Variants in PLA2G4C observed in about 807,000 individuals in gnomAD.
The protein encoded by PLA2G4C is phospholipase A2 group IVC.
A neutral mutation model predicts 73.8 loss-of-function variants in PLA2G4C; 64 were observed. The ratio of observed to expected loss-of-function variants is 0.87; its 90% CI spans 0.71 to 1.07. The LOEUF is 1.07. Ranked by LOEUF, PLA2G4C falls within the 50% of genes least tolerant of loss-of-function variation. The pLI is 0.00. For synonymous variants in PLA2G4C, 254 were observed against 252.1 expected (o/e 1.01, Z -0.07); for missense variants, 622 against 665.4 (o/e 0.93, Z 0.72).
intron 7 of PLA2G4C, among the ~76,000 whole-genome samples, chr19:48,094,557 C>T (rs184106058): frequency 1.3e-5 from 2 of 152,280 alleles, no homozygotes; most frequent in East Asian, 3.9e-4. Flanking sequence ...GAGGTAAGTA[C>T]TTTCCCTATG....
intron 10 of PLA2G4C, 45 bp downstream of exon 10, chr19:48,085,014 T>G (rs1014048784): frequency 7.1e-7 from 1 of 1,413,562 alleles, no homozygotes; most frequent in Non-Finnish European, 1.0e-6. Flanking sequence ...TCTCCTTGCA[T>G]AAAATATCTC....
intron 1 of PLA2G4C, 105 bp from the exon 2 acceptor site, chr19:48,106,666 A>C (rs952318534): frequency 1.8e-5 from 15 of 840,768 alleles, no homozygotes; most frequent in Non-Finnish European, 2.4e-5. Flanking sequence ...CTCCTTGTCC[A>C]CTGCCCAGAC....
At chr19:48,086,703 C>A (rs2031000252) in intron 9 of PLA2G4C, among the ~76,000 whole-genome samples, 1 of 152,136 alleles carries the variant, frequency 6.6e-6, no homozygotes, top group Non-Finnish European at 1.5e-5. Flanking sequence ...CCAACACAGT[C>A]CATGACAGCA....
Position 48,095,719 on chromosome 19 carries a change from G to C in PLA2G4C, c.569-115C>G. 6 of 1,087,074 alleles carry C rather than the reference G, an allele frequency of 5.5e-6. No homozygotes were observed. The South Asian group carries it at 8.2e-5, about 15-fold the overall frequency. 67.3% of individuals were successfully genotyped at this position (1,087,074 alleles called of 1,614,324 possible). ...TTACAACCATGACAGGAGAATGTTA[G>C]AGATGGACTGTGTGGTATCAGAAAC... is the stretch of plus-strand genomic sequence containing the variant. On this transcript the variant is annotated intron_variant, in intron 6 of 16. Transcript: ENST00000599921.
Position 48,082,043 on chromosome 19 carries a change from T to C in PLA2G4C, c.844+3016A>G, listed in dbSNP as rs1186768425. ...TTGCAGTGAGACGAGATCTTGCTAC[T>C]GCACTCCAGCCTGGGCAACAGAGTG... On this transcript the variant is annotated intron_variant, in intron 10 of 16. Coordinates refer to ENST00000599921, the MANE Select transcript of PLA2G4C (RefSeq NM_003706.3). Among the ~76,000 whole-genome samples, 19 of 151,592 alleles carry C rather than the reference T, an allele frequency of 1.3e-4. 1 individual carries two copies. Among genetic ancestry groups the C allele is most frequent in the Admixed American group, 1.2e-3 (19 of 15,232 alleles).
At position 48,095,451 on chromosome 19, in the gene PLA2G4C, C is replaced by A; in HGVS notation, c.709+13G>T. On this transcript the variant is annotated intron_variant, in intron 7 of 16. Coordinates refer to ENST00000599921, the MANE Select transcript of PLA2G4C (RefSeq NM_003706.3). ...CCCACCCCCTTTTAATCCCCTCTGACCCCAGCGCTGACCTCTCAGGAAAGT... is the reference window on the plus strand; with the variant it reads ...CCCACCCCCTTTTAATCCCCTCTGAACCCAGCGCTGACCTCTCAGGAAAGT... 1 of 1,613,636 alleles carries A rather than the reference C, an allele frequency of 6.2e-7. No individual in the cohort carries two copies. The highest frequency in any genetic ancestry group is 8.5e-7 in the Non-Finnish European group (1 of 1,179,698).
chr19:48,098,393 A>T, intron 5 of PLA2G4C, 134 bp from the exon 6 acceptor site: 1 of 732,148 alleles, frequency 1.4e-6, no homozygotes, highest in Non-Finnish European at 2.1e-6. Context: ...TGGTACAATA[A>T]TGGGCCACTA....
At chr19:48,104,804 C>T (rs1041411769) in intron 3 of PLA2G4C, 80 bp from the exon 4 acceptor site, 23 of 1,435,324 alleles carry the variant, frequency 1.6e-5, no homozygotes, top group African/African-American at 1.1e-4. Flanking sequence ...TACCTGGGGC[C>T]GGGCACCGTG....
intron 4 of PLA2G4C, among the ~76,000 whole-genome samples, chr19:48,101,674 C>CTTTTTTT (rs71181648): frequency 0.04 from 5,309 of 131,368 alleles, 320 homozygotes; most frequent in African/African-American, 0.13. Context: ...CCTTTAATAT[C>CTTTTTTT]TTTTTTTTTT....
At position 48,055,023 on chromosome 19, in the gene PLA2G4C, G is replaced by A. The variant is rs1409051417; in HGVS notation, c.1284C>T (p.Cys428=). The A allele has an allele frequency of 2.5e-6, 4 of 1,611,936 alleles. No individual in the cohort carries two copies. The South Asian group carries it at 3.3e-5, about 13-fold the overall frequency. ...FETIRATTDY[C]RRHKIPFPQV... ...GGGGAAAGGGGATCTTGTGGCGGCG[G>A]CAGTAGTCAGTGGTAGCCCGGATGG... Residue 428 remains cysteine, a synonymous_variant, in exon 15 of 17, where the codon TGC becomes TGT. Transcript: ENST00000599921.
chr19:48,072,017 A>G lies in PLA2G4C; in HGVS notation c.1006+2750T>C, dbSNP rs1292383689. 2.6e-5 allele frequency among the ~76,000 whole-genome samples: 4 copies of G among 151,374 alleles called. No individual in the cohort carries two copies. The highest frequency in any genetic ancestry group is 4.4e-5 in the Non-Finnish European group (3 of 67,874). ...AAAAATTAGCCGGGTGTGGTGGTGCATGCCTGTGGTCCCAGCTACTCGGGA... is the reference window on the plus strand; with the variant it reads ...AAAAATTAGCCGGGTGTGGTGGTGCGTGCCTGTGGTCCCAGCTACTCGGGA... On this transcript the variant is annotated intron_variant, in intron 12 of 16. Transcript: ENST00000599921. This position sits in a 1 kb window ranked among gnomAD's most constrained non-coding sequence, Gnocchi z 4.4.
chr19:48,049,639 C>T (rs1454788666), intron 16 of PLA2G4C, among the ~76,000 whole-genome samples: 1 of 152,160 alleles, frequency 6.6e-6, no homozygotes, highest in Admixed American at 6.6e-5. Flanking sequence ...AGAATGAACA[C>T]CATGGTGAGC....
chr19:48,095,688 G>A, intron 6 of PLA2G4C, 84 bp from the exon 7 acceptor site: 1 of 1,362,386 alleles, frequency 7.3e-7, no homozygotes, highest in South Asian at 1.2e-5. Context: ...ATCTATTAAT[G>A]AGGAATTACA....
Position 48,048,238 on chromosome 19 carries a change from G to A in PLA2G4C, c.*105C>T, listed in dbSNP as rs528029149. The stretch of plus-strand genomic sequence containing the variant: ...TTAGGACAGCCAAGGTGAACTCAAG[G>A]CCATGAAGCGTGTGGCTGAAGGGAG... On this transcript the variant is annotated 3_prime_UTR_variant, in exon 17 of 17. Coordinates refer to ENST00000599921, the MANE Select transcript of PLA2G4C (RefSeq NM_003706.3). 5.1e-6 allele frequency: 4 copies of A among 785,598 alleles called. No homozygotes were observed. The African/African-American group carries it at 7.2e-5, about 14-fold the overall frequency. The allele number at this position is 785,598 out of a possible 1,614,324, so 48.7% of individuals were successfully genotyped here.
chr19:48,069,605 AT>A (rs1968581829), intron 12 of PLA2G4C, among the ~76,000 whole-genome samples: 1 of 151,854 alleles, frequency 6.6e-6, no homozygotes, highest in Non-Finnish European at 1.5e-5. Context: ...TCCCCCTCTG[AT>A]TTCCCTCTTC....
intron 14 of PLA2G4C, 81 bp from the exon 15 acceptor site, chr19:48,055,130 AT>A: frequency 8.1e-7 from 1 of 1,237,454 alleles, no homozygotes; most frequent in Non-Finnish European, 1.1e-6. Flanking sequence ...TGGAGACCCA[AT>A]GGGACCTCAG....
chr19:48,065,366 A>G (rs563833243), intron 13 of PLA2G4C, among the ~76,000 whole-genome samples: 120 of 152,190 alleles, frequency 7.9e-4, no homozygotes, highest in Non-Finnish European at 1.3e-3. Context: ...CTATAATCCC[A>G]GCACTTTGGG....
intron 12 of PLA2G4C, among the ~76,000 whole-genome samples, chr19:48,068,181 T>C (rs1034379969): frequency 6.6e-6 from 1 of 152,006 alleles, no homozygotes; most frequent in Non-Finnish European, 1.5e-5. Context: ...GGCGCATGCC[T>C]GTAGTCCCAG....
At chr19:48,106,770 G>C in intron 1 of PLA2G4C, 2 of 562,732 alleles carry the variant, frequency 3.6e-6, no homozygotes, top group Non-Finnish European at 6.3e-6. Flanking sequence ...AATATTTCAA[G>C]CGCGTCTCTC....
Sources: allele counts gnomAD v4.1 joint callset (sites outside exome capture counted in the v4.1 genomes callset), GRCh38; gene constraint gnomAD v4.1.1; non-coding constraint Gnocchi (gnomAD v3.1); transcripts MANE v1.5; gene names NCBI Gene and HGNC (gene_info 2026-07-23, HGNC 2026-07-21).